Variants in DISC1 observed in about 807,000 individuals in gnomAD.
The protein encoded by DISC1 is disrupted in schizophrenia 1 protein.
Under a neutral mutation model 84.5 loss-of-function variants are expected in DISC1, and 57 were observed. The ratio of observed to expected loss-of-function variants is 0.67; its 90% CI spans 0.55 to 0.84. The LOEUF (loss-of-function observed/expected upper bound fraction) is 0.84, where lower values mean the gene tolerates loss of function less well. Among genes scored for constraint, DISC1 ranks in the 40% least tolerant of loss-of-function variants. DISC1 has a pLI of 0.00. For synonymous variants in DISC1, 411 were observed against 415.2 expected, an observed-to-expected ratio of 0.99 and a Z score of 0.12; for missense variants, 1,000 against 1,057.8, an observed-to-expected ratio of 0.95 and a Z score of 0.76.
intron 1 of DISC1, among the ~76,000 whole-genome samples, chr1:231,679,947 G>C (rs915212427): frequency 2.6e-5 from 4 of 152,292 alleles, no homozygotes; most frequent in East Asian, 3.9e-4. Context: ...AACTTACAAG[G>C]CCAGGCGCAG....
chr1:231,815,566 G>A (rs1247420802), intron 8 of DISC1, among the ~76,000 whole-genome samples: 5 of 151,944 alleles, frequency 3.3e-5, no homozygotes, highest in South Asian at 2.1e-4. Context: ...GTGAAACCCC[G>A]GCTCTACTAA....
intron 1 of DISC1, among the ~76,000 whole-genome samples, chr1:231,627,284 C>G (rs200718797): frequency 1.3e-5 from 2 of 152,116 alleles, no homozygotes; most frequent in Non-Finnish European, 2.9e-5. Context: ...TGGATCCGTC[C>G]CCGTCCTGGG....
chr1:231,821,817 G>A lies in DISC1; in HGVS notation c.1981+3300G>A, dbSNP rs561306816. On this transcript the variant is annotated intron_variant, in intron 9 of 12. Transcript: ENST00000439617. ...CAACCTCCGTCTCCCAGGTTCAAGC[G>A]ATTCTCCTGCCTCAGCCTCCCAGGT... Among the ~76,000 whole-genome samples, 43 of 151,306 alleles carry A rather than the reference G, an allele frequency of 2.8e-4. 1 individual carries two copies. Among genetic ancestry groups the A allele is most frequent in the African/African-American group, 1.0e-3 (43 of 41,176 alleles).
chr1:231,686,481 GTTGGCCCC>G, intron 1 of DISC1, among the ~76,000 whole-genome samples: 1 of 152,308 alleles, frequency 6.6e-6, no homozygotes, highest in Non-Finnish European at 1.5e-5. Context: ...CGAGCTCTAT[GTTGGCCCC>G]TTTCAGCCAT....
intron 1 of DISC1, among the ~76,000 whole-genome samples, chr1:231,634,461 G>A (rs529047573): frequency 6.6e-6 from 1 of 152,316 alleles, no homozygotes; most frequent in African/African-American, 2.4e-5. Flanking sequence ...GCGTATTTCA[G>A]TACAAGTCTT....
intron 4 of DISC1, among the ~76,000 whole-genome samples, chr1:231,762,773 C>T (rs1459614436): frequency 6.6e-6 from 1 of 152,080 alleles, no homozygotes; most frequent in African/African-American, 2.4e-5. Flanking sequence ...GTTCTGTCTC[C>T]ATCCCCAAAC....
chr1:231,812,180 C>T (rs996372956), intron 8 of DISC1, among the ~76,000 whole-genome samples: 3 of 152,264 alleles, frequency 2.0e-5, no homozygotes, highest in African/African-American at 7.2e-5. Flanking sequence ...CTCAGCCTCC[C>T]AAGTAGCTAG....
At chr1:231,981,046 G>A (rs1663527231) in intron 10 of DISC1, among the ~76,000 whole-genome samples, 2 of 152,124 alleles carry the variant, frequency 1.3e-5, no homozygotes, top group African/African-American at 2.4e-5. Flanking sequence ...TCCTGGGCTC[G>A]ATTAATTATC....
chr1:231,976,206 G>T (rs1319372162), intron 10 of DISC1, among the ~76,000 whole-genome samples: 1 of 152,158 alleles, frequency 6.6e-6, no homozygotes, highest in Non-Finnish European at 1.5e-5. Flanking sequence ...TCCAGCTCCA[G>T]CATGACTCCA....
chr1:231,889,963 T>G (rs1433657764), intron 9 of DISC1, among the ~76,000 whole-genome samples: 2 of 152,204 alleles, frequency 1.3e-5, no homozygotes, highest in Non-Finnish European at 2.9e-5. Flanking sequence ...TCAAAAGACT[T>G]AAATTGGTTA....
chr1:231,681,349 G>T (rs192314433), intron 1 of DISC1, among the ~76,000 whole-genome samples: 1 of 152,110 alleles, frequency 6.6e-6, no homozygotes. Context: ...ATTGGTCAGT[G>T]GAGAACATAG....
chr1:231,966,999 T>A lies in DISC1; in HGVS notation c.2042+8111T>A, dbSNP rs74453708. Among the ~76,000 whole-genome samples the A allele has an allele frequency of 3.1e-3, 475 of 152,356 alleles. 2 individuals carry two copies. The highest frequency in any genetic ancestry group is 0.011 in the African/African-American group (441 of 41,594). On this transcript the variant is annotated intron_variant, in intron 10 of 12. Coordinates refer to ENST00000439617, the MANE Select transcript of DISC1 (RefSeq NM_018662.3). ...TTAGAAGGAACTGTCAAGAACTCAA[T>A]GGTCTTATCTGAAATTTGCTTTGAA...
chr1:231,999,723 G>A (rs1006690769), intron 10 of DISC1, among the ~76,000 whole-genome samples: 1 of 152,096 alleles, frequency 6.6e-6, no homozygotes, highest in Admixed American at 6.5e-5. Context: ...TACCTGACCT[G>A]GGGGGAGGCC....
intron 9 of DISC1, among the ~76,000 whole-genome samples, chr1:231,885,673 C>T (rs1398096801): frequency 6.6e-6 from 1 of 152,120 alleles, no homozygotes; most frequent in Non-Finnish European, 1.5e-5. Flanking sequence ...CACTTCTGAA[C>T]CAGTCCGTGT....
At chr1:231,831,927 T>C (rs1299920108) in intron 9 of DISC1, among the ~76,000 whole-genome samples, 6 of 151,564 alleles carry the variant, frequency 4.0e-5, no homozygotes, top group African/African-American at 1.5e-4. Context: ...TGCTGGTGAG[T>C]GGCGATTAGG....
chr1:231,750,417 AT>A, intron 4 of DISC1: 2 of 1,070,328 alleles, frequency 1.9e-6, no homozygotes, highest in Non-Finnish European at 2.3e-6. Flanking sequence ...CTGTGATCAT[AT>A]TAAGCCTGTA....
chr1:231,881,482 A>C (rs566205643), intron 9 of DISC1, among the ~76,000 whole-genome samples: 1 of 152,056 alleles, frequency 6.6e-6, no homozygotes, highest in Non-Finnish European at 1.5e-5. Flanking sequence ...GAACCCAGTC[A>C]TATTGGATTA....
chr1:231,841,396 C>T (rs2083055620), intron 9 of DISC1, among the ~76,000 whole-genome samples: 1 of 152,226 alleles, frequency 6.6e-6, no homozygotes, highest in Non-Finnish European at 1.5e-5. Context: ...CCTGAATTTC[C>T]ACAGCATTGC....
At chr1:231,811,029 TAGTC>T (rs1031123810) in intron 8 of DISC1, among the ~76,000 whole-genome samples, 32 of 152,282 alleles carry the variant, frequency 2.1e-4, no homozygotes, top group African/African-American at 7.2e-4. Flanking sequence ...ATTGTATATT[TAGTC>T]AGTCACCAGG....
Sources: allele counts gnomAD v4.1 joint callset (sites outside exome capture counted in the v4.1 genomes callset), GRCh38; gene constraint gnomAD v4.1.1; transcripts MANE v1.5; gene names NCBI Gene and HGNC (gene_info 2026-07-23, HGNC 2026-07-21).